The following COL19A1 variants were observed in gnomAD, a reference collection of about 807,000 sequenced individuals.
The protein encoded by COL19A1 is collagen type XIX alpha 1 chain.
Under a neutral mutation model 190.2 loss-of-function variants are expected in COL19A1, and 159 were observed. The ratio of observed to expected loss-of-function variants is 0.84; its 90% CI spans 0.73 to 0.95. COL19A1 has a LOEUF of 0.95. Ranked by LOEUF, COL19A1 falls within the 40% of genes least tolerant of loss-of-function variation. The pLI is 0.00. For missense variants in COL19A1, 1,418 were observed against 1,431.9 expected, an observed-to-expected ratio of 0.99 and a Z score of 0.16; for synonymous variants, 509 against 458.9, an observed-to-expected ratio of 1.11 and a Z score of -1.39.
intron 40 of COL19A1, 48 bp downstream of exon 40, chr6:70,168,729 TA>T: frequency 6.2e-7 from 1 of 1,603,438 alleles, no homozygotes; most frequent in East Asian, 2.2e-5. Flanking sequence ...TGGTCTTTGT[TA>T]AATTTTGAAA....
chr6:70,059,141 C>G (rs1780676819), intron 14 of COL19A1, among the ~76,000 whole-genome samples: 1 of 152,098 alleles, frequency 6.6e-6, no homozygotes, highest in African/African-American at 2.4e-5. Flanking sequence ...TCTAGTTAAT[C>G]TTATGTTTCA....
chr6:70,136,043 G>C (rs1261600053), intron 18 of COL19A1, among the ~76,000 whole-genome samples: 1 of 152,182 alleles, frequency 6.6e-6, no homozygotes, highest in East Asian at 1.9e-4. Flanking sequence ...TATCAACAGA[G>C]TAGGCCCTGT....
intron 17 of COL19A1, among the ~76,000 whole-genome samples, chr6:70,126,765 G>A (rs567077457): frequency 3.9e-5 from 6 of 152,196 alleles, no homozygotes; most frequent in Non-Finnish European, 7.3e-5. Context: ...AGATGAAGGC[G>A]TTGTCAGGAC....
intron 40 of COL19A1, among the ~76,000 whole-genome samples, chr6:70,169,449 A>G (rs1765371547): frequency 6.6e-6 from 1 of 152,178 alleles, no homozygotes; most frequent in African/African-American, 2.4e-5. Flanking sequence ...TGCCATGTGA[A>G]AAAAAATTTA....
chr6:70,141,076 T>C, intron 20 of COL19A1, 87 bp downstream of exon 20: 1 of 1,221,610 alleles, frequency 8.2e-7, no homozygotes, highest in South Asian at 1.4e-5. Context: ...CTTTGGAGTC[T>C]AATAGATTTG....
rs773732212 is a variant in COL19A1 at position 70,156,732 on chromosome 6, T to A, written c.2292+9T>A. 6 of 1,604,616 alleles carry A rather than the reference T, an allele frequency of 3.7e-6. No homozygotes were observed. The South Asian group carries it at 6.6e-5, about 18-fold the overall frequency. On this transcript the variant is annotated intron_variant, in intron 34 of 50. Transcript: ENST00000620364. The stretch of plus-strand genomic sequence containing the variant: ...GGGAGAAAGGCGATGAGGTAACAGA[T>A]TCTTTTCTGATTATATAGTCCTAAT...
At chr6:70,009,305 T>C (rs1003926237) in intron 11 of COL19A1, among the ~76,000 whole-genome samples, 3 of 152,012 alleles carry the variant, frequency 2.0e-5, no homozygotes, top group Non-Finnish European at 4.4e-5. Flanking sequence ...TTTAGCAAGG[T>C]TGCAGGAATC....
chr6:70,139,795 T>C (rs1427830096), intron 19 of COL19A1, among the ~76,000 whole-genome samples: 2 of 152,064 alleles, frequency 1.3e-5, no homozygotes, highest in Non-Finnish European at 2.9e-5. Flanking sequence ...GATCACCTAG[T>C]TGAACCCCAT....
chr6:70,175,456 A>G (rs1479311694), intron 41 of COL19A1, among the ~76,000 whole-genome samples: 15 of 151,954 alleles, frequency 9.9e-5, no homozygotes, highest in Non-Finnish European at 2.1e-4. Context: ...ATCTATGTGG[A>G]ATTCATATGG....
intron 31 of COL19A1, among the ~76,000 whole-genome samples, chr6:70,155,008 G>T (rs985708571): frequency 3.3e-5 from 5 of 152,108 alleles, no homozygotes; most frequent in Non-Finnish European, 7.4e-5. Context: ...CACCCTCACA[G>T]ATGCACCTGG....
intron 14 of COL19A1, among the ~76,000 whole-genome samples, chr6:70,066,219 A>G (rs2150148125): frequency 6.6e-6 from 1 of 152,308 alleles, no homozygotes; most frequent in South Asian, 2.1e-4. Context: ...ACAGTGATAG[A>G]CTGGATTAAG....
intron 50 of COL19A1, 69 bp downstream of exon 50, chr6:70,207,047 G>A (rs903485774): frequency 6.2e-7 from 1 of 1,603,210 alleles, no homozygotes; most frequent in Non-Finnish European, 8.5e-7. Context: ...CTCCCCTAGG[G>A]TCCTTATATG....
chr6:70,092,921 G>A (rs750455579), intron 15 of COL19A1, among the ~76,000 whole-genome samples: 9 of 152,050 alleles, frequency 5.9e-5, no homozygotes, highest in Non-Finnish European at 1.0e-4. Context: ...CTGTTTCACG[G>A]GCTTAGCCTC....
chr6:70,124,534 T>C (rs1440447826), intron 17 of COL19A1, among the ~76,000 whole-genome samples: 1 of 150,686 alleles, frequency 6.6e-6, no homozygotes, highest in Non-Finnish European at 1.5e-5. Context: ...ATGTAAATTT[T>C]TAAACTTTAA....
chr6:70,085,535 CTT>C (rs1782528922), intron 15 of COL19A1, among the ~76,000 whole-genome samples: 1 of 152,122 alleles, frequency 6.6e-6, no homozygotes, highest in African/African-American at 2.4e-5. Context: ...ATTTTTTTCT[CTT>C]TGTCATCACA....
chr6:70,086,281 G>GAC (rs1411599863), intron 15 of COL19A1, among the ~76,000 whole-genome samples: 3 of 151,312 alleles, frequency 2.0e-5, no homozygotes, highest in East Asian at 3.9e-4. Flanking sequence ...CCACCCCCCT[G>GAC]ACACACACAC....
chr6:70,163,373 C>T lies in COL19A1; in HGVS notation c.2377C>T (p.Pro793Ser), dbSNP rs61743753. 1.2e-6 allele frequency: 2 copies of T among 1,612,200 alleles called. No individual in the cohort carries two copies. Among genetic ancestry groups the T allele is most frequent in the Non-Finnish European group, 1.7e-6 (2 of 1,179,030 alleles). Residue 793 changes from proline (P) to serine (S), a missense_variant, in exon 36 of 51, where the codon CCC (proline) becomes TCC (serine). Physicochemically the swap from Pro to Ser is moderately conservative, Grantham distance 74. Transcript: ENST00000620364. ...GLMGRTGHPG[P>S]TGAKGEKGSD... ...AATGGGAAGAACTGGACATCCTGGT[C>T]CCACAGGAGCAAAAGGTGAAAAGGT...
chr6:70,178,769 G>A (rs918126744), intron 42 of COL19A1, among the ~76,000 whole-genome samples: 1 of 152,108 alleles, frequency 6.6e-6, no homozygotes, highest in African/African-American at 2.4e-5. Flanking sequence ...TTCCTAGAAC[G>A]GACCGGTCTA....
rs1245166134 is a variant in COL19A1 at position 69,942,528 on chromosome 6, C to T, written c.936+4428C>T. On this transcript the variant is annotated intron_variant, in intron 9 of 50. Transcript: ENST00000620364. ...TAACCAACTTCTCCCTATCCCCACT[C>T]CCACCCTTCCCAGCCCCAGTAACCA... 4.6e-5 allele frequency among the ~76,000 whole-genome samples: 7 copies of T among 151,872 alleles called. 1 individual carries two copies. In the South Asian group the frequency reaches 1.5e-3, roughly 31 times the overall value.
Sources: allele counts gnomAD v4.1 joint callset (sites outside exome capture counted in the v4.1 genomes callset), GRCh38; gene constraint gnomAD v4.1.1; transcripts MANE v1.5; gene names NCBI Gene and HGNC (gene_info 2026-07-23, HGNC 2026-07-21).